ZHX3: variants seen among roughly 807,000 people sequenced by gnomAD.
The protein encoded by ZHX3 is zinc fingers and homeoboxes 3, also known as zinc fingers and homeoboxes protein 3.
ZHX3 carries 20 observed loss-of-function variants against 64.5 expected under a neutral mutation model. That is an observed-to-expected ratio of 0.31 (90% CI 0.22 to 0.45). The LOEUF is 0.45. ZHX3 is among the 20% of genes least tolerant of loss of function. The pLI is 1.00. For missense variants in ZHX3, 1,041 were observed against 1,195.8 expected (o/e 0.87, Z 1.91); for synonymous variants, 423 against 461.6 (o/e 0.92, Z 1.07).
At chr20:41,305,383 C>T (rs1280895067) in intron 1 of ZHX3, among the ~76,000 whole-genome samples, 1 of 152,128 alleles carries the variant, frequency 6.6e-6, no homozygotes, top group Non-Finnish European at 1.5e-5. Context: ...GTCCCAGCTA[C>T]TCGGGAGGCT....
intron 1 of ZHX3, among the ~76,000 whole-genome samples, chr20:41,285,475 C>T (rs964780714): frequency 6.6e-6 from 1 of 152,146 alleles, no homozygotes. Flanking sequence ...CTCTGTTTCC[C>T]TGTTTATAAA....
At chr20:41,211,274 A>T (rs2039140376) in intron 2 of ZHX3, among the ~76,000 whole-genome samples, 2 of 152,190 alleles carry the variant, frequency 1.3e-5, no homozygotes, top group South Asian at 4.1e-4. Flanking sequence ...TAGTAATTCT[A>T]ATACTAAAAT....
At chr20:41,205,438 G>T (rs2038623561) in intron 2 of ZHX3, among the ~76,000 whole-genome samples, 1 of 152,108 alleles carries the variant, frequency 6.6e-6, no homozygotes, top group African/African-American at 2.4e-5. Context: ...TGTAATTCTT[G>T]TTTACATTTT....
Position 41,185,468 on chromosome 20 carries a change from G to A in ZHX3, c.2861-267C>T. 1.7e-6 allele frequency: 1 copy of A among 572,026 alleles called. No individual in the cohort carries two copies. The highest frequency in any genetic ancestry group is 2.9e-5 in the East Asian group (1 of 34,894). The allele number at this position is 572,026 out of a possible 1,614,324, so 35.4% of individuals were successfully genotyped here. A position where few individuals can be genotyped will look rare whatever the true frequency, so the allele number is the denominator to read the frequency against. On this transcript the variant is annotated intron_variant, in intron 3 of 3. Transcript: ENST00000683867. The surrounding 1 kb of genome is among the most constrained non-coding windows in gnomAD (Gnocchi z 5.0). ...CCTAGGCCTAGCAGCAGGAGCAGTGGTTTGGCCTCTCCAGGCCCACTAAAT... is the reference window on the plus strand; with the variant it reads ...CCTAGGCCTAGCAGCAGGAGCAGTGATTTGGCCTCTCCAGGCCCACTAAAT...
chr20:41,233,015 C>T (rs553282092), intron 2 of ZHX3, among the ~76,000 whole-genome samples: 71 of 152,318 alleles, frequency 4.7e-4, no homozygotes, highest in African/African-American at 1.7e-3. Flanking sequence ...CAAGCACCTG[C>T]GATGCATTTC....
chr20:41,182,971 T>C lies in ZHX3; in HGVS notation c.*2220A>G, dbSNP rs1443633770. ...AGTGCATGCAGGGCTCTGGAGGTGA[T>C]GCCAGCAGGATCTGGAGGTGAGGCA... is the stretch of plus-strand genomic sequence containing the variant. On this transcript the variant is annotated 3_prime_UTR_variant, in exon 4 of 4. Coordinates refer to ENST00000683867, the MANE Select transcript of ZHX3 (RefSeq NM_001384317.1). This position sits in a 1 kb window ranked among gnomAD's most constrained non-coding sequence, Gnocchi z 6.1. The C allele has an allele frequency of 6.6e-6, 1 of 152,220 alleles. No homozygotes were observed. The highest frequency in any genetic ancestry group is 1.5e-5 in the Non-Finnish European group (1 of 68,062). The allele number at this position is 152,220 out of a possible 1,614,324, so 9.4% of individuals were successfully genotyped here.
chr20:41,252,424 A>G (rs2042034860), intron 2 of ZHX3, among the ~76,000 whole-genome samples: 1 of 152,154 alleles, frequency 6.6e-6, no homozygotes, highest in Admixed American at 6.5e-5. Flanking sequence ...TTCTTAATCC[A>G]TCACCTGAGA....
chr20:41,232,529 AAG>A lies in ZHX3; in HGVS notation c.-150-27465_-150-27464del. On this transcript the variant is annotated intron_variant, in intron 2 of 3. Transcript: ENST00000683867. This position sits in a 1 kb window ranked among gnomAD's most constrained non-coding sequence, Gnocchi z 5.0. Reference sequence around the variant, plus strand: ...CATACAACCACAGGAGTGGAAAAGAAAGAGATATGAAAATTGAAACACAGCAC... The same window carrying A: ...CATACAACCACAGGAGTGGAAAAGAAAGATATGAAAATTGAAACACAGCAC... 6.6e-6 allele frequency among the ~76,000 whole-genome samples: 1 copy of A among 152,312 alleles called. No homozygotes were observed. The highest frequency in any genetic ancestry group is 1.9e-4 in the East Asian group (1 of 5,182).
At chr20:41,251,285 A>G (rs939196815) in intron 2 of ZHX3, among the ~76,000 whole-genome samples, 1 of 152,160 alleles carries the variant, frequency 6.6e-6, no homozygotes, top group Non-Finnish European at 1.5e-5. Flanking sequence ...GTGTCTTAAA[A>G]AAATTAAAAA....
chr20:41,251,548 T>C (rs964006202), intron 2 of ZHX3, among the ~76,000 whole-genome samples: 7 of 152,126 alleles, frequency 4.6e-5, no homozygotes, highest in Non-Finnish European at 4.4e-5. Context: ...AAATGGCAGA[T>C]TAAAGCTCTA....
intron 2 of ZHX3, among the ~76,000 whole-genome samples, chr20:41,252,994 A>G (rs940609111): frequency 2.6e-5 from 4 of 152,130 alleles, no homozygotes; most frequent in Admixed American, 1.3e-4. Flanking sequence ...GTCTTTTTCT[A>G]TAACTGAGGA....
intron 2 of ZHX3, among the ~76,000 whole-genome samples, chr20:41,255,526 T>C (rs2042204041): frequency 6.6e-6 from 1 of 152,136 alleles, no homozygotes; most frequent in Non-Finnish European, 1.5e-5. Context: ...ACCAGTAACT[T>C]TTCCTTGATT....
chr20:41,202,610 G>C lies in ZHX3; in HGVS notation c.2307C>G (p.Cys769Trp), dbSNP rs1361190765. The change falls in exon 3 of 4, where the codon TGC becomes TGG. Residue 769 changes from cysteine to tryptophan, a missense_variant. Physicochemically the swap from Cys to Trp is radical, Grantham distance 215. Transcript: ENST00000683867. The surrounding 1 kb of genome is among the most constrained non-coding windows in gnomAD (Gnocchi z 7.0). ...AGTGCCGCTGCTGGGCAGTCTTTTT[G>C]CAGCTCACTTTGCCTGGGAGCTGCT... ...LAEQLPGKVS[C>W]KKTAQQRHLL... 6.2e-7 allele frequency: 1 copy of C among 1,613,866 alleles called. No homozygotes were observed. The highest frequency in any genetic ancestry group is 8.5e-7 in the Non-Finnish European group (1 of 1,180,026).
At chr20:41,189,877 A>G (rs1399604700) in intron 3 of ZHX3, among the ~76,000 whole-genome samples, 1 of 152,186 alleles carries the variant, frequency 6.6e-6, no homozygotes, top group Non-Finnish European at 1.5e-5. Flanking sequence ...AGGAGCGGTG[A>G]AAGTGGGCAT....
intron 2 of ZHX3, among the ~76,000 whole-genome samples, chr20:41,262,542 C>T (rs942281815): frequency 1.3e-5 from 2 of 152,184 alleles, no homozygotes; most frequent in African/African-American, 4.8e-5. Flanking sequence ...AACACCACTC[C>T]CTCTCTCTTT....
At chr20:41,286,688 A>C (rs2043952938) in intron 1 of ZHX3, among the ~76,000 whole-genome samples, 1 of 151,988 alleles carries the variant, frequency 6.6e-6, no homozygotes, top group South Asian at 2.1e-4. Context: ...CTATAACCTC[A>C]TCTCTTCTCT....
At chr20:41,315,054 T>C (rs945105555) in intron 1 of ZHX3, among the ~76,000 whole-genome samples, 8 of 152,108 alleles carry the variant, frequency 5.3e-5, no homozygotes, top group African/African-American at 1.7e-4. Context: ...TATTTGATAA[T>C]GCAGTCAAGC....
intron 1 of ZHX3, among the ~76,000 whole-genome samples, chr20:41,307,793 C>T (rs1194513981): frequency 6.6e-6 from 1 of 152,178 alleles, no homozygotes; most frequent in East Asian, 1.9e-4. Flanking sequence ...CTCTTGCCAC[C>T]TCCATCCACC....
At chr20:41,298,755 G>A (rs1164528095) in intron 1 of ZHX3, among the ~76,000 whole-genome samples, 9 of 152,158 alleles carry the variant, frequency 5.9e-5, no homozygotes. Flanking sequence ...AGACTAAGGA[G>A]GAAGTTTACA....
Sources: gnomAD v4.1 joint callset for allele counts (sites outside exome capture counted in the v4.1 genomes callset) on GRCh38, gnomAD v4.1.1 for gene constraint, Gnocchi (gnomAD v3.1) non-coding constraint, MANE v1.5 for transcripts, NCBI Gene and HGNC (gene_info 2026-07-23, HGNC 2026-07-21) for gene names.